The following JCAD variants were observed in gnomAD, a reference collection of about 807,000 sequenced individuals.
JCAD encodes the protein junctional cadherin 5-associated protein.
Under a neutral mutation model 98.0 loss-of-function variants are expected in JCAD, and 40 were observed. The ratio of observed to expected loss-of-function variants is 0.41; its 90% CI spans 0.32 to 0.53. The LOEUF (loss-of-function observed/expected upper bound fraction) is 0.53, where lower values mean the gene tolerates loss of function less well. JCAD is among the 20% of genes least tolerant of loss of function. The probability of loss-of-function intolerance (pLI) is 0.31; values close to 1 mark genes in which losing one functional copy is unlikely to be tolerated. For synonymous variants in JCAD, 691 were observed against 682.3 expected (o/e 1.01, Z -0.20); for missense variants, 1,705 against 1,738.1 (o/e 0.98, Z 0.34).
At position 30,027,837 on chromosome 10, in the gene JCAD, C is replaced by T; in HGVS notation, c.2311G>A (p.Val771Met). 2 of 1,614,260 alleles carry T rather than the reference C, an allele frequency of 1.2e-6. No homozygotes were observed. The highest frequency in any genetic ancestry group is 1.1e-5 in the South Asian group (1 of 91,086). Reference protein sequence around the residue: ...NSAFSRTSLSVDQAPTPKAGR... With the variant: ...NSAFSRTSLSMDQAPTPKAGR... The stretch of plus-strand genomic sequence containing the variant: ...GCTTTTGGCGTCGGTGCCTGGTCCA[C>T]GGACAAGGAAGTCCTTGAGAACGCA... Residue 771 changes from valine (V) to methionine (M), a missense_variant, in exon 3 of 4, where the codon GTG becomes ATG. Transcript: ENST00000375377.
chr10:30,084,201 GGAAA>G (rs898072466), intron 1 of JCAD, among the ~76,000 whole-genome samples: 36 of 150,292 alleles, frequency 2.4e-4, no homozygotes, highest in Non-Finnish European at 4.4e-4. Flanking sequence ...AGGGAGAGAA[GGAAA>G]GAAAGGGAAG....
At position 30,028,419 on chromosome 10, in the gene JCAD, C is replaced by G; in HGVS notation, c.1729G>C (p.Glu577Gln). ...TKKSSKKKMN[E>Q]TIFCLVSIPV... ...ATAGAAACCAAGCAAAATATAGTCT[C>G]GTTCATTTTTTTCTTTGAACTTTTC... is the stretch of plus-strand genomic sequence containing the variant. Residue 577 changes from glutamate to glutamine, a missense_variant, in exon 3 of 4, where the codon GAG (glutamate) becomes CAG (glutamine). This residue lies in a region of JCAD where 1,278 missense variants were observed against 1,243.1 expected (regional missense o/e 1.03). Coordinates refer to ENST00000375377, the MANE Select transcript of JCAD (RefSeq NM_020848.4). 6.2e-7 allele frequency: 1 copy of G among 1,614,180 alleles called. No homozygotes were observed.
Position 30,027,552 on chromosome 10 carries a change from G to C in JCAD, c.2596C>G (p.Pro866Ala). The C allele has an allele frequency of 6.2e-7, 1 of 1,613,808 alleles. No homozygotes were observed. The highest frequency in any genetic ancestry group is 8.5e-7 in the Non-Finnish European group (1 of 1,180,044). ...CAGTGAGCACGGTTCTCCTGCTGCGGCTCCGCCTCACTCTCCTCACTGCTG... is the reference window on the plus strand; with the variant it reads ...CAGTGAGCACGGTTCTCCTGCTGCGCCTCCGCCTCACTCTCCTCACTGCTG... Reference protein sequence around the residue: ...SSSSEESEAEPQQENRAHCRQ... With the variant: ...SSSSEESEAEAQQENRAHCRQ... The change falls in exon 3 of 4, where the codon CCG becomes GCG. Residue 866 changes from proline to alanine, a missense_variant. This residue lies in a region of JCAD where 1,278 missense variants were observed against 1,243.1 expected (regional missense o/e 1.03). Transcript: ENST00000375377.
chr10:30,113,200 G>T lies in JCAD; in HGVS notation n.128+2167C>A, dbSNP rs116131428. On this transcript the variant is annotated intron_variant and non_coding_transcript_variant, in intron 1 of 2. Transcript: ENST00000465712. ...GTCAAAGAAAGCCTCACAAATGAGT[G>T]GAGATTTGGGCAAAGACCTGATGCG... Among the ~76,000 whole-genome samples, 976 of 152,218 alleles carry T rather than the reference G, an allele frequency of 6.4e-3. 10 individuals are homozygous for T. Among genetic ancestry groups the T allele is most frequent in the African/African-American group, 0.022 (934 of 41,538 alleles).
intron 1 of JCAD, among the ~76,000 whole-genome samples, chr10:30,110,429 C>G (rs1328194938): frequency 6.6e-6 from 1 of 152,058 alleles, no homozygotes; most frequent in South Asian, 2.1e-4. Flanking sequence ...ATGTATGGAC[C>G]TGTTGGTGTA....
At chr10:30,041,853 C>G (rs1837248684) in intron 2 of JCAD, among the ~76,000 whole-genome samples, 1 of 152,158 alleles carries the variant, frequency 6.6e-6, no homozygotes, top group Admixed American at 6.6e-5. Context: ...CTGATAACAG[C>G]CTTTTACATA....
At chr10:30,041,193 C>T (rs530213472) in intron 2 of JCAD, among the ~76,000 whole-genome samples, 1 of 152,124 alleles carries the variant, frequency 6.6e-6, no homozygotes, top group East Asian at 2.0e-4. Flanking sequence ...AGTTTCCACA[C>T]TTACGAACGA....
chr10:30,028,508 T>G lies in JCAD; in HGVS notation c.1640A>C (p.Gln547Pro), dbSNP rs527385018. ...TGRQVSSPYSQGESTCETQTK... is the reference protein window; with the variant it reads ...TGRQVSSPYSPGESTCETQTK... ...TTGAGTTTCGCAGGTGCTCTCGCCCTGTGAGTAAGGGGAGGAAACTTGTCT... is the reference window on the plus strand; with the variant it reads ...TTGAGTTTCGCAGGTGCTCTCGCCCGGTGAGTAAGGGGAGGAAACTTGTCT... The change falls in exon 3 of 4, where the codon CAG becomes CCG. Residue 547 changes from glutamine to proline, a missense_variant. Physicochemically the swap from Gln to Pro is moderately conservative, Grantham distance 76. Transcript: ENST00000375377. 6.2e-7 allele frequency: 1 copy of G among 1,614,258 alleles called. No homozygotes were observed. Among genetic ancestry groups the G allele is most frequent in the African/African-American group, 1.3e-5 (1 of 75,066 alleles).
chr10:30,083,587 C>A (rs576436525), intron 1 of JCAD, among the ~76,000 whole-genome samples: 1 of 152,224 alleles, frequency 6.6e-6, no homozygotes, highest in African/African-American at 2.4e-5. Context: ...GTCTAGAGAC[C>A]GCTAAAGTTA....
At chr10:30,111,338 G>A (rs1413018157) in intron 1 of JCAD, among the ~76,000 whole-genome samples, 3 of 152,092 alleles carry the variant, frequency 2.0e-5, no homozygotes, top group Admixed American at 6.6e-5. Context: ...GCCCAGACTG[G>A]TCTCTAACTC....
upstream of JCAD, among the ~76,000 whole-genome samples, chr10:30,059,853 C>T (rs1056682879): frequency 6.6e-6 from 1 of 152,134 alleles, no homozygotes; most frequent in African/African-American, 2.4e-5. The surrounding 1 kb of genome is among the most constrained non-coding windows in gnomAD (Gnocchi z 5.0). Context: ...ATTCATATCA[C>T]ACAAACACAC....
At chr10:30,064,306 C>T (rs1312761390), upstream of JCAD, among the ~76,000 whole-genome samples, 1 of 152,106 alleles carries the variant, frequency 6.6e-6, no homozygotes, top group African/African-American at 2.4e-5. Flanking sequence ...ATGCCCTATA[C>T]CACCTTAGGT....
Position 30,026,181 on chromosome 10 carries a change from C to A in JCAD, c.3967G>T (p.Asp1323Tyr), listed in dbSNP as rs762681712. ...TCCTTCTCTTCCCTGGAGATGCTGT[C>A]CTTGGACACAGAGAGTGAGTGGCCC... is the stretch of plus-strand genomic sequence containing the variant. The part of the protein sequence containing the change: ...RLGHSLSVSK[D>Y]SISREEKEHP... The change falls in exon 3 of 4, where the codon GAC becomes TAC. Residue 1323 changes from aspartate (D) to tyrosine (Y), a missense_variant. Around this residue, in one of 3 missense-constraint regions of JCAD, gnomAD observed 1,278 missense variants for 1,243.1 expected, o/e 1.03. Coordinates refer to ENST00000375377, the MANE Select transcript of JCAD (RefSeq NM_020848.4). 1.2e-6 allele frequency: 2 copies of A among 1,614,206 alleles called. No individual in the cohort carries two copies. Among genetic ancestry groups the A allele is most frequent in the Non-Finnish European group, 1.7e-6 (2 of 1,180,048 alleles).
chr10:30,074,416 C>T (rs964044311), intron 1 of JCAD, among the ~76,000 whole-genome samples: 4 of 152,186 alleles, frequency 2.6e-5, no homozygotes, highest in African/African-American at 9.7e-5. Context: ...TCCATATGTT[C>T]CCAAGCTGAT....
intron 1 of JCAD, among the ~76,000 whole-genome samples, chr10:30,103,128 C>T (rs1293522220): frequency 6.6e-6 from 1 of 152,164 alleles, no homozygotes; most frequent in East Asian, 1.9e-4. Context: ...TTGCATATGG[C>T]AAGATTTTCG....
intron 1 of JCAD, among the ~76,000 whole-genome samples, chr10:30,109,556 C>T (rs1392526370): frequency 1.3e-5 from 2 of 152,118 alleles, no homozygotes; most frequent in African/African-American, 4.8e-5. Context: ...GTCCCTGTCA[C>T]TCTGCTCTCC....
intron 1 of JCAD, among the ~76,000 whole-genome samples, chr10:30,079,044 A>G (rs1838028752): frequency 6.6e-6 from 1 of 152,156 alleles, no homozygotes; most frequent in African/African-American, 2.4e-5. Flanking sequence ...AACAGCAGGG[A>G]AACCCACCTC....
intron 1 of JCAD, among the ~76,000 whole-genome samples, chr10:30,056,894 C>T (rs894476870): frequency 1.3e-5 from 2 of 152,184 alleles, no homozygotes; most frequent in Non-Finnish European, 2.9e-5. Context: ...AACACCTCCC[C>T]TCCCTGGGCT....
rs150916572 is a variant in JCAD at position 30,052,025 on chromosome 10, A to T, written c.-59-4154T>A. 4.5e-3 allele frequency among the ~76,000 whole-genome samples: 688 copies of T among 152,360 alleles called. 10 individuals are homozygous for T. The South Asian group carries it at 0.05, about 11-fold the overall frequency. On this transcript the variant is annotated intron_variant, in intron 1 of 3. Transcript: ENST00000375377. ...TCAAAGATTAATGATTTGTCCTTCCAAAGAACCTGAATAAGACCACTTGCA... is the reference window on the plus strand; with the variant it reads ...TCAAAGATTAATGATTTGTCCTTCCTAAGAACCTGAATAAGACCACTTGCA...
Sources: gnomAD v4.1 joint callset for allele counts (sites outside exome capture counted in the v4.1 genomes callset) on GRCh38, gnomAD v4.1.1 for gene constraint, gnomAD v4.1.1 regional missense constraint, Gnocchi (gnomAD v3.1) non-coding constraint, MANE v1.5 for transcripts, NCBI Gene and HGNC (gene_info 2026-07-23, HGNC 2026-07-21) for gene names.